The following ARHGDIB variants were observed in gnomAD, a reference collection of about 807,000 sequenced individuals.
ARHGDIB encodes the protein rho GDP-dissociation inhibitor 2.
Under a neutral mutation model 22.6 loss-of-function variants are expected in ARHGDIB, and 20 were observed. That is an observed-to-expected ratio of 0.88 (90% CI 0.62 to 1.28). ARHGDIB has a LOEUF of 1.28. Ranked by LOEUF, ARHGDIB falls within the 50% of genes most tolerant of loss-of-function variation. The pLI is 0.00. For synonymous variants in ARHGDIB, 114 were observed against 96.1 expected (o/e 1.19, Z -1.09); for missense variants, 254 against 245.4 (o/e 1.04, Z -0.23).
At chr12:14,956,432 A>C (rs1477660102) in intron 1 of ARHGDIB, 1 of 152,190 alleles carries the variant, frequency 6.6e-6, no homozygotes, top group African/African-American at 2.4e-5. Context: ...GAAATGAGAA[A>C]AGAAAAGAGG....
At chr12:14,942,980 T>C (rs1005826145) in intron 5 of ARHGDIB, among the ~76,000 whole-genome samples, 5 of 151,992 alleles carry the variant, frequency 3.3e-5, no homozygotes, top group African/African-American at 1.2e-4. Context: ...GTGATTCTCC[T>C]GCCTCAACCT....
At chr12:14,944,926 C>T (rs550164754) in intron 4 of ARHGDIB, 87 bp from the exon 5 acceptor site, 49 of 1,128,094 alleles carry the variant, frequency 4.3e-5, no homozygotes, top group Admixed American at 1.4e-4. Context: ...CTAGCTGAAT[C>T]GTCTCTGACA....
intron 1 of ARHGDIB, among the ~76,000 whole-genome samples, chr12:14,951,760 A>G (rs1422561221): frequency 7.9e-6 from 1 of 127,228 alleles, no homozygotes; most frequent in Non-Finnish European, 1.8e-5. Flanking sequence ...ACTGAATAGT[A>G]GATTCAAAAA....
At chr12:14,949,984 ATCTT>A in intron 2 of ARHGDIB, 99 bp from the exon 3 acceptor site, 1 of 1,055,536 alleles carries the variant, frequency 9.5e-7, no homozygotes, top group Non-Finnish European at 1.4e-6. Flanking sequence ...AATAAAAGTG[ATCTT>A]TCTATCTGGA....
In ARHGDIB at chr12:14,942,976, C is replaced by CT. The variant is rs537654216; in HGVS notation, c.407-256dup. Among the ~76,000 whole-genome samples the CT allele has an allele frequency of 6.4e-4, 98 of 152,020 alleles. 2 individuals carry two copies. In the East Asian group the frequency reaches 0.018, roughly 27 times the overall value. On this transcript the variant is annotated intron_variant, in intron 5 of 5. Transcript: ENST00000228945. ...CTCCACCTCCCAGGTTCCAGTGATT[C>CT]TCCTGCCTCAACCTCCCGAGCAGCT... is the stretch of plus-strand genomic sequence containing the variant.
intron 5 of ARHGDIB, among the ~76,000 whole-genome samples, chr12:14,944,180 A>C (rs888586110): frequency 1.3e-5 from 2 of 151,194 alleles, no homozygotes; most frequent in Middle Eastern, 3.4e-3. Flanking sequence ...GCCTATATTA[A>C]TGAAAGAAAA....
intron 1 of ARHGDIB, among the ~76,000 whole-genome samples, chr12:14,957,682 G>A (rs1864330535): frequency 6.6e-6 from 1 of 152,196 alleles, no homozygotes; most frequent in South Asian, 2.1e-4. Context: ...AGCTAATGAA[G>A]AGAATTCCCT....
At chr12:14,957,999 T>C (rs1015333521) in intron 1 of ARHGDIB, among the ~76,000 whole-genome samples, 1 of 152,214 alleles carries the variant, frequency 6.6e-6, no homozygotes, top group Non-Finnish European at 1.5e-5. Flanking sequence ...TCCTGCTACC[T>C]CCACTTTCCC....
chr12:14,945,214 G>A (rs909543486), intron 4 of ARHGDIB, among the ~76,000 whole-genome samples: 27 of 152,068 alleles, frequency 1.8e-4, no homozygotes, highest in African/African-American at 5.8e-4. Context: ...CCTTGTCTTA[G>A]GAAAAGTTAT....
At chr12:14,944,484 T>G (rs1021927742) in intron 5 of ARHGDIB, among the ~76,000 whole-genome samples, 3 of 152,188 alleles carry the variant, frequency 2.0e-5, no homozygotes, top group Non-Finnish European at 4.4e-5. Context: ...TTTTATATAC[T>G]TTATTTCCTT....
chr12:14,956,342 A>C (rs1472712021), intron 1 of ARHGDIB: 3 of 152,212 alleles, frequency 2.0e-5, no homozygotes, highest in African/African-American at 7.2e-5. Context: ...CTCTGCAAAA[A>C]GAAGCCGTGG....
At chr12:14,957,297 A>G (rs1864322994) in intron 1 of ARHGDIB, among the ~76,000 whole-genome samples, 1 of 152,186 alleles carries the variant, frequency 6.6e-6, no homozygotes, top group South Asian at 2.1e-4. Flanking sequence ...TCAAGAATAG[A>G]TGTTCCGTGA....
chr12:14,959,080 G>A (rs1592297169), intron 1 of ARHGDIB, among the ~76,000 whole-genome samples: 2 of 152,148 alleles, frequency 1.3e-5, no homozygotes, highest in Admixed American at 6.5e-5. Flanking sequence ...CTGCGTTCAC[G>A]CCCCTGCACT....
intron 1 of ARHGDIB, among the ~76,000 whole-genome samples, chr12:14,957,822 T>C (rs549033775): frequency 4.8e-5 from 7 of 147,028 alleles, no homozygotes; most frequent in Admixed American, 2.7e-4. Flanking sequence ...GAGATAGCGA[T>C]GAGAGAGAGA....
chr12:14,944,938 T>C (rs1242672644), intron 4 of ARHGDIB, 99 bp from the exon 5 acceptor site: 2 of 962,954 alleles, frequency 2.1e-6, no homozygotes, highest in South Asian at 1.8e-5. Flanking sequence ...TCTCTGACAA[T>C]GAAAAAACTA....
chr12:14,948,100 G>GCGCACGCA, intron 3 of ARHGDIB, 151 bp from the exon 4 acceptor site: 1 of 436,272 alleles, frequency 2.3e-6, no homozygotes, highest in Non-Finnish European at 4.2e-6. Flanking sequence ...TTTAGTCCTT[G>GCGCACGCA]CACACACACA....
chr12:14,954,791 A>G (rs796937737), intron 1 of ARHGDIB, among the ~76,000 whole-genome samples: 10 of 152,316 alleles, frequency 6.6e-5, no homozygotes, highest in African/African-American at 2.4e-4. Context: ...TTTAAAATGT[A>G]TGTGAATCCC....
At chr12:14,951,402 T>G (rs1043600722) in intron 1 of ARHGDIB, among the ~76,000 whole-genome samples, 3 of 152,262 alleles carry the variant, frequency 2.0e-5, no homozygotes, top group African/African-American at 7.2e-5. Context: ...CTTGCATAGT[T>G]CTGGCACTTT....
At chr12:14,944,992 G>T (rs1390604061) in intron 4 of ARHGDIB, among the ~76,000 whole-genome samples, 153 bp from the exon 5 acceptor site, 1 of 152,172 alleles carries the variant, frequency 6.6e-6, no homozygotes, top group African/African-American at 2.4e-5. Context: ...ATTTAGCATG[G>T]CTGTGAGGCA....
Sources: gnomAD v4.1 joint callset for allele counts (sites outside exome capture counted in the v4.1 genomes callset) on GRCh38, gnomAD v4.1.1 for gene constraint, MANE v1.5 for transcripts, NCBI Gene and HGNC (gene_info 2026-07-23, HGNC 2026-07-21) for gene names.